The following GGNBP2 variants were observed in gnomAD, a reference collection of about 807,000 sequenced individuals.
GGNBP2 encodes gametogenetin-binding protein 2.
In GGNBP2, 10 loss-of-function variants were observed where a neutral mutation model predicts 85.9. The ratio of observed to expected loss-of-function variants is 0.12; its 90% CI spans 0.07 to 0.20. GGNBP2 has a LOEUF of 0.20. Ranked by LOEUF, GGNBP2 falls within the 10% of genes least tolerant of loss-of-function variation. The pLI, the probability that GGNBP2 is intolerant of heterozygous loss-of-function variation, is 1.00. For synonymous variants in GGNBP2, 287 were observed against 285.7 expected (o/e 1.00, Z -0.05); for missense variants, 595 against 857.8 (o/e 0.69, Z 3.83).
chr17:36,586,757 T>C, intron 12 of GGNBP2: 1 of 409,832 alleles, frequency 2.4e-6, no homozygotes, highest in Non-Finnish European at 4.5e-6. Context: ...TAGCTGGGAT[T>C]ACAGGCGCAT....
chr17:36,556,408 C>T (rs1209517630), intron 3 of GGNBP2, among the ~76,000 whole-genome samples: 1 of 151,934 alleles, frequency 6.6e-6, no homozygotes, highest in East Asian at 1.9e-4. Flanking sequence ...CAAAACAAAA[C>T]AAAACAAAAA....
At chr17:36,548,344 G>T (rs553728792) in intron 2 of GGNBP2, among the ~76,000 whole-genome samples, 8 of 152,142 alleles carry the variant, frequency 5.3e-5, no homozygotes, top group Admixed American at 5.2e-4. Flanking sequence ...GCTGGGTTTG[G>T]TGGCTCACGC....
chr17:36,588,598 T>G (rs762167386), intron 13 of GGNBP2, among the ~76,000 whole-genome samples: 2 of 151,450 alleles, frequency 1.3e-5, no homozygotes, highest in East Asian at 3.9e-4. Context: ...GTTTTAATAT[T>G]TATTTATTTT....
At position 36,585,346 on chromosome 17, in the gene GGNBP2, C is replaced by G. The variant is rs1219428273; in HGVS notation, c.1262C>G (p.Thr421Ser). 1 of 1,612,784 alleles carries G rather than the reference C, an allele frequency of 6.2e-7. No individual in the cohort carries two copies. The highest frequency in any genetic ancestry group is 1.3e-5 in the African/African-American group (1 of 74,988). The change falls in exon 10 of 14, where the codon ACT (threonine) becomes AGT (serine). Residue 421 changes from threonine to serine, a missense_variant. By Grantham distance (58) the Thr-to-Ser change is moderately conservative (BLOSUM62 1). Around this residue, in one of 9 missense-constraint regions of GGNBP2, gnomAD observed 85 missense variants for 92.6 expected, o/e 0.92. Coordinates refer to ENST00000613102, the MANE Select transcript of GGNBP2 (RefSeq NM_024835.5). ...ENSSCKACGS[T>S]EDGNTCVEVI... is the part of the protein sequence containing the mutation. ...AGCAGCTGCAAAGCCTGTGGCAGCA[C>G]TGAAGATGGTAATACTTGTGTAGAA...
At chr17:36,572,117 G>A (rs567950475) in intron 6 of GGNBP2, among the ~76,000 whole-genome samples, 72 of 152,002 alleles carry the variant, frequency 4.7e-4, no homozygotes, top group African/African-American at 1.2e-3. Context: ...AAGCTTTTAC[G>A]GCTTTTATAT....
chr17:36,584,348 T>A (rs1044678407), intron 9 of GGNBP2, among the ~76,000 whole-genome samples: 6 of 152,228 alleles, frequency 3.9e-5, no homozygotes, highest in Non-Finnish European at 7.3e-5. Flanking sequence ...ACATACTTTT[T>A]TTTTTTTGAG....
chr17:36,585,490 T>C, intron 10 of GGNBP2, 40 bp downstream of exon 10: 2 of 1,366,486 alleles, frequency 1.5e-6, no homozygotes, highest in South Asian at 1.3e-5. Flanking sequence ...CTCTTAACTC[T>C]ATTCTTTCTT....
intron 3 of GGNBP2, among the ~76,000 whole-genome samples, chr17:36,556,159 C>T (rs1199089320): frequency 6.6e-6 from 1 of 152,212 alleles, no homozygotes; most frequent in African/African-American, 2.4e-5. Context: ...TTGCTCATTT[C>T]TCTGCAACAG....
At chr17:36,570,318 C>T (rs1555606562) in intron 6 of GGNBP2, among the ~76,000 whole-genome samples, 2 of 152,180 alleles carry the variant, frequency 1.3e-5, no homozygotes, top group African/African-American at 4.8e-5. Flanking sequence ...GTTGAAGGTG[C>T]ACCATGATCA....
chr17:36,582,945 A>AT (rs771291831), intron 9 of GGNBP2, among the ~76,000 whole-genome samples: 20 of 152,286 alleles, frequency 1.3e-4, no homozygotes, highest in Middle Eastern at 3.4e-3. Flanking sequence ...TTAACTAAAT[A>AT]TTTTTTCAAA....
At position 36,587,061 on chromosome 17, in the gene GGNBP2, A is replaced by C. The variant is rs758676789; in HGVS notation, c.1706A>C (p.His569Pro). The C allele has an allele frequency of 6.2e-7, 1 of 1,613,632 alleles. No homozygotes were observed. Among genetic ancestry groups the C allele is most frequent in the Non-Finnish European group, 8.5e-7 (1 of 1,179,618 alleles). ...CGAGAGACCTCAGGAAATACCATGC[A>C]CACAGTGTTTCACCGTGACAAGACC... ...GNRETSGNTM[H>P]TVFHRDKTKD... is the part of the protein sequence containing the mutation. The change falls in exon 13 of 14, where the codon CAC becomes CCC. Residue 569 changes from histidine (H) to proline (P), a missense_variant. Physicochemically the swap from His to Pro is moderately conservative, Grantham distance 77. Transcript: ENST00000613102.
chr17:36,552,736 A>G (rs977154389), intron 2 of GGNBP2, among the ~76,000 whole-genome samples: 4 of 152,156 alleles, frequency 2.6e-5, no homozygotes, highest in African/African-American at 9.6e-5. Context: ...AGCTATTGAA[A>G]TGGGTCAGGC....
intron 2 of GGNBP2, chr17:36,546,778 C>T (rs1369881327): frequency 6.6e-6 from 1 of 152,324 alleles, no homozygotes; most frequent in East Asian, 1.9e-4. Context: ...ACCTAAGTCT[C>T]TTCATCTCAT....
intron 4 of GGNBP2, among the ~76,000 whole-genome samples, chr17:36,558,323 G>A (rs1016661907): frequency 1.4e-5 from 2 of 140,916 alleles, no homozygotes; most frequent in African/African-American, 5.4e-5. Context: ...GCTGAGGCAG[G>A]AGAATCTCTT....
At chr17:36,577,487 A>G in intron 6 of GGNBP2, 1 of 157,306 alleles carries the variant, frequency 6.4e-6, no homozygotes, top group East Asian at 1.8e-4. Context: ...CCCTACCCCT[A>G]TCCTCAAATG....
intron 5 of GGNBP2, among the ~76,000 whole-genome samples, chr17:36,561,918 C>T (rs551964819): frequency 7.0e-4 from 106 of 152,088 alleles, no homozygotes; most frequent in Admixed American, 1.6e-3. Flanking sequence ...CCACCGCGCC[C>T]GGCCTATTTT....
At chr17:36,583,625 AT>A (rs965193298) in intron 9 of GGNBP2, among the ~76,000 whole-genome samples, 6 of 150,786 alleles carry the variant, frequency 4.0e-5, no homozygotes, top group East Asian at 3.9e-4. Flanking sequence ...TGCCCGGCTA[AT>A]TTTTTTTTGT....
chr17:36,547,056 A>G (rs2074262158), intron 2 of GGNBP2: 1 of 152,188 alleles, frequency 6.6e-6, no homozygotes, highest in Non-Finnish European at 1.5e-5. Context: ...TTTATTTTTC[A>G]TGAAAAAAGG....
intron 6 of GGNBP2, among the ~76,000 whole-genome samples, chr17:36,572,838 T>C (rs773331092): frequency 1.7e-4 from 26 of 152,182 alleles, no homozygotes; most frequent in Non-Finnish European, 3.4e-4. Flanking sequence ...CAACACCTTT[T>C]TTCTCCCCTC....
Sources: allele counts gnomAD v4.1 joint callset (sites outside exome capture counted in the v4.1 genomes callset), GRCh38; gene constraint gnomAD v4.1.1; regional missense constraint gnomAD v4.1.1; transcripts MANE v1.5; gene names NCBI Gene and HGNC (gene_info 2026-07-23, HGNC 2026-07-21).